JMJD1C: variants seen among roughly 807,000 people sequenced by gnomAD.
JMJD1C encodes the protein jumonji domain containing 1C.
A neutral mutation model predicts 245.3 loss-of-function variants in JMJD1C; 31 were observed. The ratio of observed to expected loss-of-function variants is 0.13; its 90% CI spans 0.09 to 0.17. JMJD1C has a LOEUF of 0.17. Among genes scored for constraint, JMJD1C ranks in the 10% least tolerant of loss-of-function variants. The pLI is 1.00. For synonymous variants in JMJD1C, 1,057 were observed against 1,017.4 expected (o/e 1.04, Z -0.74); for missense variants, 2,691 against 3,000.2 (o/e 0.90, Z 2.41).
Position 63,255,555 on chromosome 10 carries a change from C to G in JMJD1C, c.447+9096G>C, listed in dbSNP as rs189508684. Among the ~76,000 whole-genome samples, 45 of 152,278 alleles carry G rather than the reference C, an allele frequency of 3.0e-4. No homozygotes were observed. The East Asian group carries it at 4.2e-3, about 14-fold the overall frequency. ...CCAGTCTGAGTAAAGTTCAGCTGTA[C>G]TTTCTTGAAATGGATGTACCATGAC... On this transcript the variant is annotated intron_variant, in intron 3 of 25. Coordinates refer to ENST00000399262, the MANE Select transcript of JMJD1C (RefSeq NM_032776.3).
chr10:63,274,559 A>G (rs995925553), intron 2 of JMJD1C, among the ~76,000 whole-genome samples: 2 of 151,840 alleles, frequency 1.3e-5, no homozygotes, highest in African/African-American at 4.8e-5. Context: ...AGCGAGACTC[A>G]GTCTCAAAAA....
At chr10:63,468,462 A>T (rs1013253633), upstream of JMJD1C, among the ~76,000 whole-genome samples, 4 of 152,116 alleles carry the variant, frequency 2.6e-5, no homozygotes, top group Middle Eastern at 3.2e-3. Flanking sequence ...AATTTAAAAA[A>T]TTTTTCAAGT....
At chr10:63,231,942 A>G (rs548270104) in intron 3 of JMJD1C, among the ~76,000 whole-genome samples, 7 of 151,992 alleles carry the variant, frequency 4.6e-5, no homozygotes, top group Admixed American at 2.0e-4. Flanking sequence ...GGTTCAAGCA[A>G]TTCTCCTGCC....
At chr10:63,192,830 G>A in intron 16 of JMJD1C, 108 bp downstream of exon 16, 1 of 840,142 alleles carries the variant, frequency 1.2e-6, no homozygotes, top group Non-Finnish European at 1.9e-6. Context: ...AAAGACCAAA[G>A]TAAATTGTTT....
In JMJD1C at chr10:63,429,303, G is replaced by A. The variant is rs190673403; in HGVS notation, c.168+36192C>T. Among the ~76,000 whole-genome samples, 4 of 151,940 alleles carry A rather than the reference G, an allele frequency of 2.6e-5. No individual in the cohort carries two copies. In the East Asian group the frequency reaches 5.8e-4, roughly 22 times the overall value. On this transcript the variant is annotated intron_variant, in intron 1 of 25. Transcript: ENST00000399262. ...CTGACAGGTCTTTTTTAACTCAGGGGGAATAGCACCTCAAAATGTTGCCTC... is the reference window on the plus strand; with the variant it reads ...CTGACAGGTCTTTTTTAACTCAGGGAGAATAGCACCTCAAAATGTTGCCTC...
chr10:63,282,120 C>T (rs576376985), intron 2 of JMJD1C, among the ~76,000 whole-genome samples: 5 of 152,242 alleles, frequency 3.3e-5, no homozygotes, highest in African/African-American at 1.2e-4. Flanking sequence ...TTGTTCATTT[C>T]CATCTGGCAA....
intron 10 of JMJD1C, chr10:63,203,474 A>AC: frequency 1.0e-6 from 1 of 985,080 alleles, no homozygotes; most frequent in African/African-American, 1.7e-5. Context: ...CTGATATGCC[A>AC]CCCCCTTAAA....
At chr10:63,500,614 C>G (rs2133247295) in intron 1 of JMJD1C, among the ~76,000 whole-genome samples, 1 of 152,288 alleles carries the variant, frequency 6.6e-6, no homozygotes, top group East Asian at 1.9e-4. Flanking sequence ...CGCCTGTAAT[C>G]CCAGCTACTT....
intron 2 of JMJD1C, among the ~76,000 whole-genome samples, chr10:63,371,566 C>T (rs184960558): frequency 2.0e-5 from 3 of 152,174 alleles, no homozygotes; most frequent in Non-Finnish European, 2.9e-5. Flanking sequence ...GTATGAGGTA[C>T]GTGACAAACA....
Position 63,226,530 on chromosome 10 carries a change from T to A in JMJD1C, c.448-6547A>T, listed in dbSNP as rs141276879. 4.9e-3 allele frequency among the ~76,000 whole-genome samples: 747 copies of A among 151,540 alleles called. 2 individuals carry two copies. The highest frequency in any genetic ancestry group is 0.024 in the Middle Eastern group (7 of 294). On this transcript the variant is annotated intron_variant, in intron 3 of 25. Coordinates refer to ENST00000399262, the MANE Select transcript of JMJD1C (RefSeq NM_032776.3). ...GAGTTCGAGACCAGCCTGAGCAACATGGCGAGATGCCATTGCTACAAAAAA... is the reference window on the plus strand; with the variant it reads ...GAGTTCGAGACCAGCCTGAGCAACAAGGCGAGATGCCATTGCTACAAAAAA...
chr10:63,438,743 T>A (rs1951198431), intron 1 of JMJD1C, among the ~76,000 whole-genome samples: 1 of 152,150 alleles, frequency 6.6e-6, no homozygotes, highest in African/African-American at 2.4e-5. Context: ...TTAGGCCTGG[T>A]ACTTACTCCA....
At chr10:63,320,085 T>C (rs1389109727) in intron 2 of JMJD1C, among the ~76,000 whole-genome samples, 2 of 152,170 alleles carry the variant, frequency 1.3e-5, no homozygotes, top group African/African-American at 4.8e-5. Context: ...GTTATATTTT[T>C]AGTAGAGATG....
intron 3 of JMJD1C, among the ~76,000 whole-genome samples, chr10:63,224,998 G>GTTGCAGTGAGCCGAGA (rs1283839108): frequency 1.3e-5 from 2 of 151,632 alleles, no homozygotes; most frequent in African/African-American, 2.4e-5. Context: ...GGAGGCAGAG[G>GTTGCAGTGAGCCGAGA]TTGCAGTGAG....
intron 2 of JMJD1C, chr10:63,380,092 A>G: frequency 2.0e-6 from 1 of 495,904 alleles, no homozygotes; most frequent in East Asian, 3.7e-5. Context: ...GGTATGTGCC[A>G]CCACATCCAG....
intron 1 of JMJD1C, among the ~76,000 whole-genome samples, chr10:63,400,720 C>A (rs1385268345): frequency 6.6e-6 from 1 of 152,114 alleles, no homozygotes; most frequent in African/African-American, 2.4e-5. Context: ...AACCACCACA[C>A]CCGGCTGATT....
At chr10:63,184,415 G>GT (rs1564565534) in intron 21 of JMJD1C, among the ~76,000 whole-genome samples, 193 bp downstream of exon 21, 1 of 151,616 alleles carries the variant, frequency 6.6e-6, no homozygotes, top group Non-Finnish European at 1.5e-5. Flanking sequence ...GCTAATTTTT[G>GT]TATTTTTTAG....
At chr10:63,241,726 T>C (rs1013700724) in intron 3 of JMJD1C, among the ~76,000 whole-genome samples, 1 of 152,218 alleles carries the variant, frequency 6.6e-6, no homozygotes, top group Admixed American at 6.5e-5. Context: ...ATAGTACTAC[T>C]GTCTTCTAAT....
intron 2 of JMJD1C, among the ~76,000 whole-genome samples, chr10:63,281,440 T>A (rs1275946700): frequency 7.2e-6 from 1 of 138,574 alleles, no homozygotes; most frequent in Non-Finnish European, 1.5e-5. Flanking sequence ...ATTACAGGCG[T>A]GAGCCACTGC....
intron 2 of JMJD1C, among the ~76,000 whole-genome samples, chr10:63,315,963 G>A (rs148047297): frequency 1.3e-5 from 2 of 152,038 alleles, no homozygotes; most frequent in East Asian, 1.9e-4. Flanking sequence ...GAGCCCAGGA[G>A]TTCAAAATAA....
Sources: gnomAD v4.1 joint callset for allele counts (sites outside exome capture counted in the v4.1 genomes callset) on GRCh38, gnomAD v4.1.1 for gene constraint, MANE v1.5 for transcripts, NCBI Gene and HGNC (gene_info 2026-07-23, HGNC 2026-07-21) for gene names.